The following LRP1B variants were observed in gnomAD, a reference collection of about 807,000 sequenced individuals.
The protein encoded by LRP1B is low-density lipoprotein receptor-related protein 1B.
A neutral mutation model predicts 556.6 loss-of-function variants in LRP1B; 217 were observed. The observed-to-expected ratio is 0.39, with a 90% confidence interval of 0.35 to 0.44. The LOEUF is 0.44. Ranked by LOEUF, LRP1B falls within the 20% of genes least tolerant of loss-of-function variation. LRP1B has a pLI of 1.00. For missense variants in LRP1B, 5,053 were observed against 5,620.8 expected (o/e 0.90, Z 3.23); for synonymous variants, 2,047 against 1,865.8 (o/e 1.10, Z -2.50).
intron 1 of LRP1B, among the ~76,000 whole-genome samples, chr2:142,088,975 A>G (rs1396967109): frequency 1.7e-4 from 3 of 17,514 alleles, no homozygotes; most frequent in Non-Finnish European, 5.2e-4. Flanking sequence ...GCTCCGTCTC[A>G]AAAAAAAAAA....
chr2:140,649,897 T>C (rs1053429210), intron 41 of LRP1B, among the ~76,000 whole-genome samples: 2 of 152,228 alleles, frequency 1.3e-5, no homozygotes, highest in African/African-American at 4.8e-5. Flanking sequence ...TGCTAATGTA[T>C]CCATACTATA....
At chr2:140,386,090 C>A in intron 66 of LRP1B, 81 bp from the exon 67 acceptor site, 1 of 810,292 alleles carries the variant, frequency 1.2e-6, no homozygotes, top group Non-Finnish European at 2.1e-6. Context: ...CATGCCAAAT[C>A]CATGGCATAT....
At chr2:141,999,083 T>C (rs894897163) in intron 1 of LRP1B, among the ~76,000 whole-genome samples, 3 of 152,130 alleles carry the variant, frequency 2.0e-5, no homozygotes, top group South Asian at 2.1e-4. Context: ...GGGCCTCCTA[T>C]CTGTCATGTG....
At chr2:141,683,525 A>G (rs1414548914) in intron 2 of LRP1B, among the ~76,000 whole-genome samples, 1 of 152,148 alleles carries the variant, frequency 6.6e-6, no homozygotes, top group Non-Finnish European at 1.5e-5. Flanking sequence ...ATTGTGCCCT[A>G]TGGTTATAAG....
At chr2:141,811,840 A>G (rs1696368325) in intron 1 of LRP1B, among the ~76,000 whole-genome samples, 1 of 152,116 alleles carries the variant, frequency 6.6e-6, no homozygotes, top group Admixed American at 6.6e-5. Flanking sequence ...CCAATAGACT[A>G]GTTGTGTCTA....
At chr2:141,870,942 C>T (rs1449260173) in intron 1 of LRP1B, among the ~76,000 whole-genome samples, 1 of 151,846 alleles carries the variant, frequency 6.6e-6, no homozygotes, top group East Asian at 1.9e-4. Flanking sequence ...GTGCACTAGT[C>T]CCCCCTGGAC....
chr2:140,323,823 A>C (rs2105058591), intron 81 of LRP1B, 70 bp downstream of exon 81: 1 of 784,032 alleles, frequency 1.3e-6, no homozygotes, highest in African/African-American at 1.8e-5. Flanking sequence ...ATATTTAAAA[A>C]TATATTATTT....
In LRP1B at chr2:140,723,070, A is replaced by G. The variant is rs1395622490; in HGVS notation, c.5759-6254T>C. ...AAAATAAATAAATAAAATGAAATAA[A>G]ATAGTAAAGGGAAGTTTATCATTTC... On this transcript the variant is annotated intron_variant, in intron 35 of 90. Coordinates refer to ENST00000389484, the MANE Select transcript of LRP1B (RefSeq NM_018557.3). 2.0e-5 allele frequency among the ~76,000 whole-genome samples: 3 copies of G among 152,258 alleles called. No individual in the cohort carries two copies. The East Asian group carries it at 5.8e-4, about 29-fold the overall frequency.
In LRP1B at chr2:142,115,502, ATATAT is replaced by A. The variant is rs1355063707; in HGVS notation, c.82+15141_82+15145del. Among the ~76,000 whole-genome samples, 9 of 91,962 alleles carry A rather than the reference ATATAT, an allele frequency of 9.8e-5. 2 individuals are homozygous for A. The highest frequency in any genetic ancestry group is 2.6e-4 in the South Asian group (1 of 3,896). The allele number at this position is 91,962 out of a possible 152,430, so 60.3% of individuals were successfully genotyped here. A position where few individuals can be genotyped will look rare whatever the true frequency, so the allele number is the denominator to read the frequency against. On this transcript the variant is annotated intron_variant, in intron 1 of 90. Transcript: ENST00000389484. ...CATATAATATATAATTATATATAAT[ATATAT>A]TATATATTACATATATAATATATAT... is the stretch of plus-strand genomic sequence containing the variant.
Position 141,832,320 on chromosome 2 carries a change from T to TTC in LRP1B, c.83-21921_83-21920dup, listed in dbSNP as rs1421397525. 2.0e-3 allele frequency among the ~76,000 whole-genome samples: 147 copies of TTC among 72,082 alleles called. 3 individuals carry two copies. The highest frequency in any genetic ancestry group is 7.4e-3 in the East Asian group (29 of 3,894). The allele number at this position is 72,082 out of a possible 152,430, so 47.3% of individuals were successfully genotyped here. A position where few individuals can be genotyped will look rare whatever the true frequency, so the allele number is the denominator to read the frequency against. ...GGTGGGCAATAATTATCCTATCTCT[T>TTC]TCTCTCTCACACACACACACACACA... is the stretch of plus-strand genomic sequence containing the variant. On this transcript the variant is annotated intron_variant, in intron 1 of 90. Coordinates refer to ENST00000389484, the MANE Select transcript of LRP1B (RefSeq NM_018557.3).
intron 18 of LRP1B, among the ~76,000 whole-genome samples, chr2:140,966,082 G>C (rs4389273): frequency 0.73 from 111,735 of 152,054 alleles, 41,597 homozygotes; most frequent in Admixed American, 0.79. Flanking sequence ...TAATGGGATG[G>C]CTGGGTCAAA....
chr2:140,554,568 T>A (rs1172051756), intron 43 of LRP1B, among the ~76,000 whole-genome samples: 1 of 152,100 alleles, frequency 6.6e-6, no homozygotes, highest in Non-Finnish European at 1.5e-5. Context: ...GTAAAATGGC[T>A]TCTTTTTCCT....
chr2:141,738,330 T>A (rs2105534866), intron 2 of LRP1B, among the ~76,000 whole-genome samples: 1 of 152,292 alleles, frequency 6.6e-6, no homozygotes, highest in South Asian at 2.1e-4. Flanking sequence ...AATGCTGTAA[T>A]CATCAGGTAA....
At chr2:141,657,267 C>T (rs1396070865) in intron 2 of LRP1B, among the ~76,000 whole-genome samples, 1 of 152,054 alleles carries the variant, frequency 6.6e-6, no homozygotes, top group African/African-American at 2.4e-5. Context: ...TTACACACAA[C>T]AAGATAATGA....
chr2:140,674,952 T>A (rs955577271), intron 41 of LRP1B, among the ~76,000 whole-genome samples: 5 of 152,210 alleles, frequency 3.3e-5, no homozygotes, highest in Admixed American at 6.5e-5. Flanking sequence ...AATCAAGATG[T>A]CAGCAGAGCT....
In LRP1B at chr2:140,562,752, C is replaced by T. The variant is rs148891755; in HGVS notation, c.7195-20781G>A. On this transcript the variant is annotated intron_variant, in intron 43 of 90. Transcript: ENST00000389484. ...TCTCCTGCCTCAGCCTCCTGAGTAG[C>T]TGGATTTACAGGCATGCACCACCAC... Among the ~76,000 whole-genome samples, 561 of 152,144 alleles carry T rather than the reference C, an allele frequency of 3.7e-3. 3 individuals carry two copies. The highest frequency in any genetic ancestry group is 0.013 in the African/African-American group (521 of 41,504).
At chr2:140,678,130 C>G (rs114083605) in intron 41 of LRP1B, among the ~76,000 whole-genome samples, 2,074 of 152,136 alleles carry the variant, frequency 0.014, 41 homozygotes, top group Admixed American at 0.046. Context: ...CCAATGAACC[C>G]AATTAATTCT....
rs2105464517 is a variant in LRP1B at position 140,716,783 on chromosome 2, A to T, written c.5792T>A (p.Phe1931Tyr). ...NDTIYWTDMGFNKISRAKRDQ... is the reference protein window; with the variant it reads ...NDTIYWTDMGYNKISRAKRDQ... ...TCTTTTAGCTCTGCTAATTTTATTGAAGCCCATGTCTGTCCAGTAGATGGT... is the reference window on the plus strand; with the variant it reads ...TCTTTTAGCTCTGCTAATTTTATTGTAGCCCATGTCTGTCCAGTAGATGGT... The change falls in exon 36 of 91, where the codon TTC becomes TAC. Residue 1931 changes from phenylalanine to tyrosine, a missense_variant. By Grantham distance (22) the Phe-to-Tyr change is conservative. Transcript: ENST00000389484. 3 of 1,608,644 alleles carry T rather than the reference A, an allele frequency of 1.9e-6. No homozygotes were observed. Among genetic ancestry groups the T allele is most frequent in the Non-Finnish European group, 2.6e-6 (3 of 1,175,724 alleles).
chr2:142,059,019 C>G (rs1472206584), intron 1 of LRP1B, among the ~76,000 whole-genome samples: 1 of 152,026 alleles, frequency 6.6e-6, no homozygotes, highest in African/African-American at 2.4e-5. Flanking sequence ...TATGGAATTA[C>G]CAGCTATTTA....
Sources: gnomAD v4.1 joint callset for allele counts (sites outside exome capture counted in the v4.1 genomes callset) on GRCh38, gnomAD v4.1.1 for gene constraint, MANE v1.5 for transcripts, NCBI Gene and HGNC (gene_info 2026-07-23, HGNC 2026-07-21) for gene names.